Variants in CMTR1 observed in about 807,000 individuals in gnomAD.
CMTR1 encodes cap-specific mRNA (nucleoside-2'-O-)-methyltransferase 1.
A neutral mutation model predicts 107.0 loss-of-function variants in CMTR1; 39 were observed. The ratio of observed to expected loss-of-function variants is 0.36; its 90% CI spans 0.28 to 0.48. The LOEUF (loss-of-function observed/expected upper bound fraction) is 0.48. CMTR1 is among the 20% of genes least tolerant of loss of function. CMTR1 has a pLI of 0.99. For synonymous variants in CMTR1, 366 were observed against 379.5 expected, an observed-to-expected ratio of 0.96 and a Z score of 0.41; for missense variants, 672 against 1,064.9, an observed-to-expected ratio of 0.63 and a Z score of 5.14.
At chr6:37,454,977 A>G (rs573705149) in intron 8 of CMTR1, among the ~76,000 whole-genome samples, 2 of 152,310 alleles carry the variant, frequency 1.3e-5, no homozygotes, top group East Asian at 3.9e-4. Flanking sequence ...TGCTAGGGTC[A>G]TAATGGCTCT....
chr6:37,430,797 G>A (rs1219486124), upstream of CMTR1, among the ~76,000 whole-genome samples: 3 of 152,078 alleles, frequency 2.0e-5, no homozygotes, highest in African/African-American at 7.2e-5. Context: ...GGCGGATCAC[G>A]AGGTCAGGAG....
chr6:37,446,092 C>G (rs1289062765), intron 3 of CMTR1, among the ~76,000 whole-genome samples, 199 bp from the exon 4 acceptor site: 1 of 152,174 alleles, frequency 6.6e-6, no homozygotes, highest in African/African-American at 2.4e-5. Context: ...AGACTTTAAC[C>G]TCCAGAACAG....
At chr6:37,469,962 G>T (rs1761589406) in intron 13 of CMTR1, among the ~76,000 whole-genome samples, 2 of 147,524 alleles carry the variant, frequency 1.4e-5, no homozygotes, top group East Asian at 2.0e-4. Flanking sequence ...GTTTCAGTTT[G>T]GGTTTCTGTT....
rs192480273 is a variant in CMTR1 at position 37,455,712 on chromosome 6, C to A, written c.777+2400C>A. 2.0e-5 allele frequency among the ~76,000 whole-genome samples: 3 copies of A among 152,172 alleles called. No individual in the cohort carries two copies. In the East Asian group the frequency reaches 5.8e-4, roughly 29 times the overall value. On this transcript the variant is annotated intron_variant, in intron 8 of 23. Coordinates refer to ENST00000373451, the MANE Select transcript of CMTR1 (RefSeq NM_015050.3). ...TGAGTGTGCAGTGCTGCTGTACTCG[C>A]CACTGGAAAGAGAAAAACATGGAAA...
chr6:37,446,755 T>G (rs1771806234), intron 4 of CMTR1, among the ~76,000 whole-genome samples: 1 of 152,190 alleles, frequency 6.6e-6, no homozygotes, highest in Non-Finnish European at 1.5e-5. Context: ...ACTAGTGGAC[T>G]AGGATACCTT....
chr6:37,425,863 T>C, the CMTR1 span, among the ~76,000 whole-genome samples: 1 of 152,196 alleles, frequency 6.6e-6, no homozygotes, highest in African/African-American at 2.4e-5. Context: ...AAGCTTTCAG[T>C]CATTATTTCT....
upstream of CMTR1, among the ~76,000 whole-genome samples, chr6:37,428,717 C>T (rs1771326796): frequency 6.6e-6 from 1 of 152,298 alleles, no homozygotes; most frequent in Non-Finnish European, 1.5e-5. Context: ...CTTGGCCTCC[C>T]AAAGTGCTGG....
the CMTR1 span, among the ~76,000 whole-genome samples, chr6:37,427,105 G>C: frequency 5.7e-3 from 871 of 152,286 alleles, 6 homozygotes; most frequent in African/African-American, 0.02. The surrounding 1 kb of genome is among the most constrained non-coding windows in gnomAD (Gnocchi z 4.4). Flanking sequence ...ATGGCTGAGT[G>C]GTGGTGGATG....
At chr6:37,429,075 C>T (rs529772163), upstream of CMTR1, among the ~76,000 whole-genome samples, 127 of 152,198 alleles carry the variant, frequency 8.3e-4, no homozygotes, top group Non-Finnish European at 1.4e-3. Flanking sequence ...TTCCCTGGGT[C>T]CCTGAGGCTG....
At chr6:37,436,124 CTT>C (rs1402020209) in intron 2 of CMTR1, among the ~76,000 whole-genome samples, 2 of 152,212 alleles carry the variant, frequency 1.3e-5, no homozygotes, top group Non-Finnish European at 2.9e-5. Context: ...GGGAGGGCCT[CTT>C]TGCTGCGGCC....
At chr6:37,477,700 G>T (rs748213948) in intron 21 of CMTR1, 61 bp downstream of exon 21, 129 of 797,026 alleles carry the variant, frequency 1.6e-4, no homozygotes, top group Non-Finnish European at 3.0e-5. Flanking sequence ...GCCGTGTCCT[G>T]TAGTCATCCT....
In CMTR1 at chr6:37,480,227, TC is replaced by T. The variant is rs1161898470; in HGVS notation, c.*87del. 14 of 1,557,466 alleles carry T rather than the reference TC, an allele frequency of 9.0e-6. No individual in the cohort carries two copies. Among genetic ancestry groups the T allele is most frequent in the African/African-American group, 7.0e-5 (5 of 71,422 alleles). ...CCTGGGGCCCACAGTGCTGGCTTCT[TC>T]CCCCTCTTGAAAAGGGACTGGGGAG... On this transcript the variant is annotated 3_prime_UTR_variant, in exon 24 of 24. Coordinates refer to ENST00000373451, the MANE Select transcript of CMTR1 (RefSeq NM_015050.3).
chr6:37,434,383 T>G (rs1401747108), intron 1 of CMTR1, among the ~76,000 whole-genome samples: 4 of 152,154 alleles, frequency 2.6e-5, no homozygotes, highest in African/African-American at 7.2e-5. Context: ...TCCCTAAGGA[T>G]TGTTTCCCAG....
Position 37,475,359 on chromosome 6 carries a change from C to T in CMTR1, c.1983C>T (p.Leu661=), listed in dbSNP as rs774607588. The T allele has an allele frequency of 1.7e-5, 28 of 1,613,680 alleles. No individual in the cohort carries two copies. The highest frequency in any genetic ancestry group is 1.1e-4 in the East Asian group (5 of 44,876). The part of the protein sequence containing the change: ...AQRKISAIHI[L]DVLVLNGTDV... ...GGAAGATCAGTGCCATCCACATCCT[C>T]GATGTCCTTGTGCTGAATGGCACCG... The change falls in exon 19 of 24, where the codon CTC becomes CTT. Residue 661 remains leucine (L), a synonymous_variant. Transcript: ENST00000373451.
At chr6:37,459,517 T>G (rs753816678) in intron 9 of CMTR1, 49 bp from the exon 10 acceptor site, 2 of 1,520,230 alleles carry the variant, frequency 1.3e-6, no homozygotes. Flanking sequence ...TCCCAGCTCC[T>G]GACATGTATA....
rs773946187 is a variant in CMTR1 at position 37,461,556 on chromosome 6, C to T, written c.1103C>T (p.Ser368Leu). Reference protein sequence around the residue: ...VHFLMADGGFSVEGQENLQEI... With the variant: ...VHFLMADGGFLVEGQENLQEI... ...CTTGTGCTCTCATTTCAGGGTTTCTCGGTGGAGGGGCAGGAGAACCTGCAG... is the reference window on the plus strand; with the variant it reads ...CTTGTGCTCTCATTTCAGGGTTTCTTGGTGGAGGGGCAGGAGAACCTGCAG... The change falls in exon 11 of 24, where the codon TCG (serine) becomes TTG (leucine). Residue 368 changes from serine to leucine, a missense_variant. Ser to Leu is a moderately radical substitution (Grantham distance 145). Around this residue, in one of 2 missense-constraint regions of CMTR1, gnomAD observed 583 missense variants for 968.4 expected, o/e 0.60. Transcript: ENST00000373451. The T allele has an allele frequency of 1.6e-5, 26 of 1,600,160 alleles. No homozygotes were observed. Among genetic ancestry groups the T allele is most frequent in the East Asian group, 2.2e-5 (1 of 44,730 alleles).
chr6:37,473,317 A>G (rs1761666752), intron 16 of CMTR1, among the ~76,000 whole-genome samples, 153 bp from the exon 17 acceptor site: 1 of 152,038 alleles, frequency 6.6e-6, no homozygotes, highest in Non-Finnish European at 1.5e-5. Flanking sequence ...CATTTAGTGC[A>G]CAGTTAGGTA....
At chr6:37,466,636 A>G (rs986815426) in intron 13 of CMTR1, among the ~76,000 whole-genome samples, 7 of 152,088 alleles carry the variant, frequency 4.6e-5, no homozygotes, top group African/African-American at 7.2e-5. Context: ...TTTCTGGGCT[A>G]TCTCTTCCAT....
intron 13 of CMTR1, among the ~76,000 whole-genome samples, chr6:37,463,816 C>T (rs1303761783): frequency 1.3e-5 from 2 of 152,160 alleles, no homozygotes; most frequent in Non-Finnish European, 2.9e-5. Context: ...CACAGTACTG[C>T]CATATAAGCG....
Sources: allele counts gnomAD v4.1 joint callset (sites outside exome capture counted in the v4.1 genomes callset), GRCh38; gene constraint gnomAD v4.1.1; regional missense constraint gnomAD v4.1.1; non-coding constraint Gnocchi (gnomAD v3.1); transcripts MANE v1.5; gene names NCBI Gene and HGNC (gene_info 2026-07-23, HGNC 2026-07-21).